TSPAN9: variants seen among roughly 807,000 people sequenced by gnomAD.
The protein encoded by TSPAN9 is tetraspanin-9.
In TSPAN9, 16 loss-of-function variants were observed where a neutral mutation model predicts 31.0. That is an observed-to-expected ratio of 0.52 (90% confidence interval 0.35 to 0.78). The LOEUF is 0.78. Among genes scored for constraint, TSPAN9 ranks in the 30% least tolerant of loss-of-function variants. The pLI is 0.01. For missense variants in TSPAN9, 272 were observed against 312.5 expected, an observed-to-expected ratio of 0.87 and a Z score of 0.98; for synonymous variants, 145 against 121.6, an observed-to-expected ratio of 1.19 and a Z score of -1.27.
intron 3 of TSPAN9, among the ~76,000 whole-genome samples, chr12:3,212,759 C>T (rs778800095): frequency 6.6e-5 from 10 of 152,194 alleles, no homozygotes; most frequent in Non-Finnish European, 1.3e-4. Context: ...GTGCTCAGTG[C>T]TCTTGCCTAG....
intron 3 of TSPAN9, among the ~76,000 whole-genome samples, chr12:3,255,145 G>A (rs1219198833): frequency 6.6e-6 from 1 of 152,254 alleles, no homozygotes; most frequent in South Asian, 2.1e-4. Context: ...ACGCAGCTGA[G>A]CAGGAGGGCT....
At chr12:3,202,654 G>T (rs767132086) in intron 3 of TSPAN9, among the ~76,000 whole-genome samples, 1 of 152,078 alleles carries the variant, frequency 6.6e-6, no homozygotes, top group Non-Finnish European at 1.5e-5. Context: ...GTGGGGGCAG[G>T]CATCCTCATC....
intron 2 of TSPAN9, among the ~76,000 whole-genome samples, chr12:3,199,073 GC>G (rs1400383972): frequency 6.6e-6 from 1 of 152,198 alleles, no homozygotes; most frequent in Non-Finnish European, 1.5e-5. Context: ...AGGGCAGGGA[GC>G]CCCACTTCTC....
At chr12:3,269,249 TGTGTTCCTGCAGCCTG>T (rs1565640074) in intron 3 of TSPAN9, among the ~76,000 whole-genome samples, 3 of 44,340 alleles carry the variant, frequency 6.8e-5, no homozygotes, top group African/African-American at 1.6e-4. Flanking sequence ...CAGCCTGCCC[TGTGTTCCTGCAGCCTG>T]CCCTGTGTTC....
intron 3 of TSPAN9, among the ~76,000 whole-genome samples, chr12:3,232,613 A>AGT (rs1349868872): frequency 2.0e-5 from 3 of 152,258 alleles, no homozygotes; most frequent in Non-Finnish European, 4.4e-5. Flanking sequence ...ATAGACTTGC[A>AGT]GTTCCTACCT....
chr12:3,244,540 A>G (rs1348338160), intron 3 of TSPAN9, among the ~76,000 whole-genome samples: 1 of 152,158 alleles, frequency 6.6e-6, no homozygotes, highest in Admixed American at 6.5e-5. Context: ...CCTCTGAAGA[A>G]TGGCCTGGCG....
At chr12:3,237,182 G>C (rs1037570706) in intron 3 of TSPAN9, among the ~76,000 whole-genome samples, 2 of 152,084 alleles carry the variant, frequency 1.3e-5, no homozygotes, top group South Asian at 2.1e-4. Flanking sequence ...TTTGGGCCAC[G>C]GGGTCATTGT....
At chr12:3,169,163 C>G (rs1452532004) in intron 2 of TSPAN9, among the ~76,000 whole-genome samples, 3 of 152,206 alleles carry the variant, frequency 2.0e-5, no homozygotes, top group African/African-American at 7.2e-5. Flanking sequence ...GAGGCCGTCA[C>G]TGCACAGCCC....
At chr12:3,282,936 GC>G in intron 8 of TSPAN9, 108 bp from the exon 9 acceptor site, 1 of 1,039,926 alleles carries the variant, frequency 9.6e-7, no homozygotes, top group Non-Finnish European at 1.4e-6. Context: ...CACACCAGTG[GC>G]CATCCCCGCT....
At chr12:3,120,582 T>C (rs1001168772) in intron 2 of TSPAN9, among the ~76,000 whole-genome samples, 8 of 152,322 alleles carry the variant, frequency 5.3e-5, no homozygotes, top group Non-Finnish European at 1.5e-5. Flanking sequence ...CCTCCTCATC[T>C]CTCTACCTAT....
intron 3 of TSPAN9, among the ~76,000 whole-genome samples, chr12:3,232,685 A>C (rs2098391381): frequency 6.6e-6 from 1 of 152,226 alleles, no homozygotes; most frequent in Non-Finnish European, 1.5e-5. Context: ...AAGGTCCCCC[A>C]GTGATGCTGG....
chr12:3,244,088 A>C (rs574684837), intron 3 of TSPAN9, among the ~76,000 whole-genome samples: 2 of 152,288 alleles, frequency 1.3e-5, no homozygotes, highest in East Asian at 1.9e-4. Context: ...GTCTGGGAGC[A>C]CTTTGTCCCC....
intron 3 of TSPAN9, among the ~76,000 whole-genome samples, chr12:3,246,976 C>A (rs768835146): frequency 6.6e-6 from 1 of 152,032 alleles, no homozygotes; most frequent in African/African-American, 2.4e-5. Flanking sequence ...TGCTTTTGGC[C>A]GCTGGGAGGA....
intron 2 of TSPAN9, among the ~76,000 whole-genome samples, chr12:3,094,875 T>A (rs1361419650): frequency 3.3e-4 from 48 of 144,864 alleles, no homozygotes; most frequent in African/African-American, 9.0e-4. Flanking sequence ...TTTTTGTTTT[T>A]AAATTTATTT....
chr12:3,197,233 G>C (rs747759191), intron 2 of TSPAN9, among the ~76,000 whole-genome samples: 1 of 152,244 alleles, frequency 6.6e-6, no homozygotes, highest in Non-Finnish European at 1.5e-5. Context: ...TGGTCCAGCT[G>C]GTAAATGATC....
At chr12:3,180,694 C>T (rs1032752213) in intron 2 of TSPAN9, among the ~76,000 whole-genome samples, 15 of 152,152 alleles carry the variant, frequency 9.9e-5, no homozygotes, top group African/African-American at 1.9e-4. Context: ...TCTTTATTTT[C>T]GTCCATGTTT....
At chr12:3,276,972 G>A (rs1330618643) in intron 3 of TSPAN9, among the ~76,000 whole-genome samples, 1 of 152,142 alleles carries the variant, frequency 6.6e-6, no homozygotes, top group Non-Finnish European at 1.5e-5. Flanking sequence ...TTCTTCCCAG[G>A]AACCAGAGCA....
chr12:3,185,714 C>T (rs1364131377), intron 2 of TSPAN9, among the ~76,000 whole-genome samples: 1 of 152,198 alleles, frequency 6.6e-6, no homozygotes, highest in Admixed American at 6.5e-5. Context: ...CCGCCTGAGG[C>T]CTGATGGGGC....
At chr12:3,211,144 G>A (rs2098378471) in intron 3 of TSPAN9, among the ~76,000 whole-genome samples, 1 of 151,998 alleles carries the variant, frequency 6.6e-6, no homozygotes, top group Admixed American at 6.6e-5. Context: ...ATGAGTTCCT[G>A]GACTGATTTC....
Sources: allele counts gnomAD v4.1 joint callset (sites outside exome capture counted in the v4.1 genomes callset), GRCh38; gene constraint gnomAD v4.1.1; transcripts MANE v1.5; gene names NCBI Gene and HGNC (gene_info 2026-07-23, HGNC 2026-07-21).